ZMYND8: variants seen among roughly 807,000 people sequenced by gnomAD.
ZMYND8 encodes the protein MYND-type zinc finger-containing chromatin reader ZMYND8.
Under a neutral mutation model 140.8 loss-of-function variants are expected in ZMYND8, and 37 were observed. That is an observed-to-expected ratio of 0.26 (90% CI 0.20 to 0.35). The LOEUF (loss-of-function observed/expected upper bound fraction) is 0.35. Among genes scored for constraint, ZMYND8 ranks in the 10% least tolerant of loss-of-function variants. The pLI is 1.00. For synonymous variants in ZMYND8, 592 were observed against 597.1 expected, an observed-to-expected ratio of 0.99 and a Z score of 0.12; for missense variants, 1,068 against 1,570.0, an observed-to-expected ratio of 0.68 and a Z score of 5.40.
intron 2 of ZMYND8, among the ~76,000 whole-genome samples, chr20:47,321,110 T>A (rs1343229289): frequency 6.6e-6 from 1 of 152,182 alleles, no homozygotes; most frequent in Non-Finnish European, 1.5e-5. Context: ...TGTTTACATA[T>A]TTAACGAAGG....
At chr20:47,254,370 T>C (rs1193997607) in intron 12 of ZMYND8, among the ~76,000 whole-genome samples, 2 of 152,212 alleles carry the variant, frequency 1.3e-5, no homozygotes, top group Non-Finnish European at 2.9e-5. Flanking sequence ...CTTCTAGGAA[T>C]TTATCCTATG....
At chr20:47,304,185 A>G (rs1016804072) in intron 3 of ZMYND8, among the ~76,000 whole-genome samples, 2 of 152,216 alleles carry the variant, frequency 1.3e-5, no homozygotes, top group Non-Finnish European at 1.5e-5. Flanking sequence ...CAGGTTATTA[A>G]GGGATACTGC....
At chr20:47,339,096 C>T (rs1457457344) in intron 2 of ZMYND8, among the ~76,000 whole-genome samples, 1 of 151,818 alleles carries the variant, frequency 6.6e-6, no homozygotes, top group South Asian at 2.1e-4. Flanking sequence ...CCTCAACCTC[C>T]CAAGTAGCTA....
At chr20:47,213,754 G>A (rs964255435) in intron 21 of ZMYND8, among the ~76,000 whole-genome samples, 1 of 152,214 alleles carries the variant, frequency 6.6e-6, no homozygotes, top group African/African-American at 2.4e-5. Context: ...AGCAACCTCA[G>A]TAGTGTGGGA....
In ZMYND8 at chr20:47,238,603, A is replaced by G. The variant is rs924116577; in HGVS notation, c.2665+155T>C. On this transcript the variant is annotated intron_variant, in intron 15 of 22. Coordinates refer to ENST00000471951, the MANE Select transcript of ZMYND8 (RefSeq NM_001281775.3). ...AGCAAGTAGCAAAACAATTTTTAAA[A>G]ATAATGCCAAATGGAATGTGCAAGG... The G allele has an allele frequency of 8.0e-6, 11 of 1,373,044 alleles. No homozygotes were observed. In the African/African-American group the frequency reaches 1.6e-4, roughly 20 times the overall value. The allele number at this position is 1,373,044 out of a possible 1,614,324, so 85.1% of individuals were successfully genotyped here.
At chr20:47,278,367 A>T (rs756321615) in intron 10 of ZMYND8, among the ~76,000 whole-genome samples, 1 of 152,248 alleles carries the variant, frequency 6.6e-6, no homozygotes, top group African/African-American at 2.4e-5. Context: ...TTGCAGAAGC[A>T]GAAAACTCAC....
chr20:47,249,097 C>T (rs976570839), intron 13 of ZMYND8, among the ~76,000 whole-genome samples, 190 bp downstream of exon 13: 13 of 152,042 alleles, frequency 8.6e-5, no homozygotes, highest in African/African-American at 3.1e-4. Context: ...TTCAAAAAGC[C>T]CTGAATTAAC....
intron 1 of ZMYND8, 172 bp downstream of exon 1, chr20:47,356,485 G>C: frequency 6.3e-7 from 1 of 1,587,662 alleles, no homozygotes; most frequent in South Asian, 1.1e-5. Flanking sequence ...AATGGCTACT[G>C]AGCCATGTGA....
At chr20:47,317,441 C>G (rs2079498624) in intron 2 of ZMYND8, among the ~76,000 whole-genome samples, 1 of 151,792 alleles carries the variant, frequency 6.6e-6, no homozygotes, top group African/African-American at 2.4e-5. Flanking sequence ...AGTCACAGCA[C>G]ATGCCGTTCT....
chr20:47,266,275 G>T lies in ZMYND8; in HGVS notation c.1481-3847C>A, dbSNP rs1044177123. On this transcript the variant is annotated intron_variant, in intron 11 of 22. Coordinates refer to ENST00000471951, the MANE Select transcript of ZMYND8 (RefSeq NM_001281775.3). ...CACCTGGATCATTCTTTTTGTTTTT[G>T]GGGGGGAGGGGGGCGGGGAGAGAGA... Among the ~76,000 whole-genome samples, 4 of 142,682 alleles carry T rather than the reference G, an allele frequency of 2.8e-5. No individual in the cohort carries two copies. The East Asian group carries it at 7.1e-4, about 25-fold the overall frequency. The allele number at this position is 142,682 out of a possible 152,430, so 93.6% of individuals were successfully genotyped here.
Position 47,290,245 on chromosome 20 carries a change from T to A in ZMYND8, c.690A>T (p.Thr230=). 1 of 1,613,590 alleles carries A rather than the reference T, an allele frequency of 6.2e-7. No homozygotes were observed. The highest frequency in any genetic ancestry group is 8.5e-7 in the Non-Finnish European group (1 of 1,179,832). ...ACTTTGCATCAGCCAGGAAGGCTTC[T>A]GTGCAGCCATACATTTTCTTTTTCG... The part of the protein sequence containing the change: ...KNAKKKMYGC[T]EAFLADAKWI... Residue 230 remains threonine, a synonymous_variant, in exon 7 of 23, where the codon ACA becomes ACT. Coordinates refer to ENST00000471951, the MANE Select transcript of ZMYND8 (RefSeq NM_001281775.3).
intron 2 of ZMYND8, among the ~76,000 whole-genome samples, chr20:47,322,776 G>A (rs1370219215): frequency 6.6e-6 from 1 of 152,142 alleles, no homozygotes; most frequent in Admixed American, 6.6e-5. Context: ...TATGCTTCAA[G>A]ACAAGCAGAT....
At chr20:47,342,273 G>A (rs144310871) in intron 2 of ZMYND8, among the ~76,000 whole-genome samples, 339 of 152,186 alleles carry the variant, frequency 2.2e-3, no homozygotes, top group African/African-American at 6.5e-3. Flanking sequence ...CTCTGGGTGC[G>A]GTGGCTCACA....
chr20:47,318,057 C>T (rs189301994), intron 2 of ZMYND8, among the ~76,000 whole-genome samples: 267 of 152,184 alleles, frequency 1.8e-3, no homozygotes, highest in Non-Finnish European at 2.9e-3. Context: ...ACCTCCTCCC[C>T]GACTACCGCC....
chr20:47,262,509 G>A (rs1435320533), intron 11 of ZMYND8, 81 bp from the exon 12 acceptor site: 4 of 1,556,158 alleles, frequency 2.6e-6, no homozygotes, highest in Non-Finnish European at 3.5e-6. Context: ...GGAGAGAATG[G>A]AGAGATTATG....
intron 1 of ZMYND8, 34 bp from the exon 2 acceptor site, chr20:47,347,960 A>C (rs1268865466): frequency 6.2e-7 from 1 of 1,610,664 alleles, no homozygotes; most frequent in Non-Finnish European, 8.5e-7. Flanking sequence ...ATGTTTAGGA[A>C]GGCTGAGAAC....
At chr20:47,213,196 A>T (rs908914458) in intron 21 of ZMYND8, among the ~76,000 whole-genome samples, 3 of 152,178 alleles carry the variant, frequency 2.0e-5, no homozygotes, top group African/African-American at 7.2e-5. Flanking sequence ...CGTGATGAGG[A>T]GGACTAAGGA....
chr20:47,349,775 A>G, intron 1 of ZMYND8: 1 of 1,506,368 alleles, frequency 6.6e-7, no homozygotes, highest in Non-Finnish European at 8.9e-7. Context: ...ATTTTGAGTA[A>G]TAGAGAAAAC....
rs144414868 is a variant in ZMYND8 at position 47,326,651 on chromosome 20, C to G, written c.86-16447G>C. ...TCCCTCTGGGTTCTCCAAGTCTGCCCCTGCTATGAGAAGCAGGGATCAGAT... is the reference window on the plus strand; with the variant it reads ...TCCCTCTGGGTTCTCCAAGTCTGCCGCTGCTATGAGAAGCAGGGATCAGAT... On this transcript the variant is annotated intron_variant, in intron 2 of 22. Coordinates refer to ENST00000471951, the MANE Select transcript of ZMYND8 (RefSeq NM_001281775.3). 1.3e-3 allele frequency among the ~76,000 whole-genome samples: 196 copies of G among 152,240 alleles called. 2 individuals carry two copies. Among genetic ancestry groups the G allele is most frequent in the African/African-American group, 4.6e-3 (190 of 41,540 alleles).
Sources: allele counts gnomAD v4.1 joint callset (sites outside exome capture counted in the v4.1 genomes callset), GRCh38; gene constraint gnomAD v4.1.1; transcripts MANE v1.5; gene names NCBI Gene and HGNC (gene_info 2026-07-23, HGNC 2026-07-21).